ZNF521: variants seen among roughly 807,000 people sequenced by gnomAD.
ZNF521 encodes LYST-interacting protein 3.
ZNF521 carries 14 observed loss-of-function variants against 105.5 expected under a neutral mutation model. That is an observed-to-expected ratio of 0.13 (90% CI 0.09 to 0.21). The LOEUF is 0.21. Ranked by LOEUF, ZNF521 falls within the 10% of genes least tolerant of loss-of-function variation. The pLI is 1.00. For missense variants in ZNF521, 1,233 were observed against 1,629.7 expected, an observed-to-expected ratio of 0.76 and a Z score of 4.19; for synonymous variants, 635 against 606.0, an observed-to-expected ratio of 1.05 and a Z score of -0.70.
chr18:25,315,638 T>C (rs889253873), intron 3 of ZNF521: 2 of 152,224 alleles, frequency 1.3e-5, no homozygotes, highest in African/African-American at 4.8e-5. Flanking sequence ...TAGCTGACTT[T>C]CAAATCTGGG....
At chr18:25,094,481 T>C (rs2033811341) in intron 5 of ZNF521, among the ~76,000 whole-genome samples, 1 of 152,122 alleles carries the variant, frequency 6.6e-6, no homozygotes, top group Non-Finnish European at 1.5e-5. Context: ...ATTTTCTACA[T>C]ATTCTATCTT....
intron 7 of ZNF521, among the ~76,000 whole-genome samples, chr18:25,083,639 A>G (rs2033553314): frequency 6.6e-6 from 1 of 152,176 alleles, no homozygotes; most frequent in Non-Finnish European, 1.5e-5. Flanking sequence ...TTCTTTGCCT[A>G]TCTTCTCTTT....
chr18:25,230,299 G>A (rs1050301345), intron 3 of ZNF521, among the ~76,000 whole-genome samples: 4 of 152,156 alleles, frequency 2.6e-5, no homozygotes, highest in African/African-American at 7.2e-5. Flanking sequence ...GCTGATTTCT[G>A]TTTTAAAATA....
At chr18:25,277,271 C>A (rs980938062) in intron 3 of ZNF521, among the ~76,000 whole-genome samples, 1 of 151,906 alleles carries the variant, frequency 6.6e-6, no homozygotes, top group African/African-American at 2.4e-5. Flanking sequence ...AAAAGCTTAT[C>A]AAATATTATA....
At chr18:25,171,952 T>C (rs1337783876) in intron 5 of ZNF521, among the ~76,000 whole-genome samples, 1 of 152,030 alleles carries the variant, frequency 6.6e-6, no homozygotes, top group Non-Finnish European at 1.5e-5. Context: ...CAGTGTTATA[T>C]TGTTTATTTC....
chr18:25,121,048 A>C (rs2144348350), intron 5 of ZNF521, among the ~76,000 whole-genome samples: 1 of 152,250 alleles, frequency 6.6e-6, no homozygotes, highest in Non-Finnish European at 1.5e-5. Context: ...CCAAAACAAA[A>C]AAATAATACT....
chr18:25,121,921 A>G (rs147294975), intron 5 of ZNF521, among the ~76,000 whole-genome samples: 47 of 152,324 alleles, frequency 3.1e-4, no homozygotes, highest in African/African-American at 8.2e-4. Flanking sequence ...CTGGCATCCA[A>G]TGAAAAATCA....
intron 3 of ZNF521, among the ~76,000 whole-genome samples, chr18:25,296,937 C>T (rs1341693621): frequency 6.6e-6 from 1 of 152,052 alleles, no homozygotes. Context: ...AGCTGGTACT[C>T]AATAAATATG....
intron 2 of ZNF521, among the ~76,000 whole-genome samples, chr18:25,349,433 T>C (rs1389575422): frequency 6.6e-6 from 1 of 152,224 alleles, no homozygotes; most frequent in South Asian, 2.1e-4. Context: ...CACATGCCAA[T>C]GATTCACCTC....
At chr18:25,221,478 A>G (rs1905723023) in intron 4 of ZNF521, among the ~76,000 whole-genome samples, 1 of 152,240 alleles carries the variant, frequency 6.6e-6, no homozygotes, top group South Asian at 2.1e-4. Flanking sequence ...GTCATGGTCC[A>G]GAAAAATCTA....
chr18:25,158,621 G>C (rs1360338866), intron 5 of ZNF521, among the ~76,000 whole-genome samples: 1 of 152,020 alleles, frequency 6.6e-6, no homozygotes, highest in East Asian at 1.9e-4. Flanking sequence ...AAAGAACACA[G>C]GGAAGGAAGA....
At chr18:25,236,519 C>T (rs1906904237) in intron 3 of ZNF521, among the ~76,000 whole-genome samples, 1 of 145,530 alleles carries the variant, frequency 6.9e-6, no homozygotes, top group Non-Finnish European at 1.5e-5. Flanking sequence ...CTGGGTGACA[C>T]AGTGAGACTC....
At position 25,103,243 on chromosome 18, in the gene ZNF521, A is replaced by G. The variant is rs191685340; in HGVS notation, c.3659-11162T>C. Among the ~76,000 whole-genome samples the G allele has an allele frequency of 3.6e-3, 548 of 152,234 alleles. 3 individuals are homozygous for G. Among genetic ancestry groups the G allele is most frequent in the African/African-American group, 0.013 (527 of 41,550 alleles). ...CTGAAGGAAATCTTCCCGATTATAC[A>G]ACCTGTGATGGAGTGGCTGAACGCT... On this transcript the variant is annotated intron_variant, in intron 5 of 7. Transcript: ENST00000361524.
At chr18:25,180,831 C>T (rs1030035237) in intron 5 of ZNF521, among the ~76,000 whole-genome samples, 3 of 151,928 alleles carry the variant, frequency 2.0e-5, no homozygotes, top group African/African-American at 7.3e-5. Flanking sequence ...AAGGTTCTGC[C>T]TCATTCAAAA....
At chr18:25,245,665 G>T (rs574814604) in intron 3 of ZNF521, among the ~76,000 whole-genome samples, 3 of 152,216 alleles carry the variant, frequency 2.0e-5, no homozygotes, top group East Asian at 3.9e-4. Context: ...CCCACTCTTG[G>T]TTTTTTGTAA....
intron 5 of ZNF521, among the ~76,000 whole-genome samples, chr18:25,106,867 G>T (rs1600033998): frequency 3.9e-5 from 6 of 152,142 alleles, no homozygotes; most frequent in Admixed American, 3.9e-4. Context: ...TGCTTCCACA[G>T]TGGGAGGGAA....
At chr18:25,099,585 G>T (rs985233019) in intron 5 of ZNF521, among the ~76,000 whole-genome samples, 5 of 152,010 alleles carry the variant, frequency 3.3e-5, no homozygotes, top group Admixed American at 6.6e-5. Flanking sequence ...CCTTTTATTT[G>T]TCCCAAGTCA....
chr18:25,156,483 G>A (rs191381847), intron 5 of ZNF521, among the ~76,000 whole-genome samples: 6 of 152,282 alleles, frequency 3.9e-5, no homozygotes, highest in African/African-American at 1.4e-4. Context: ...ATTCACACAT[G>A]TGCATATATA....
chr18:25,319,740 C>G (rs1180671562), intron 3 of ZNF521, among the ~76,000 whole-genome samples: 1 of 152,098 alleles, frequency 6.6e-6, no homozygotes, highest in African/African-American at 2.4e-5. Flanking sequence ...TTGGCAGATA[C>G]CACCTTAAAC....
Sources: gnomAD v4.1 joint callset for allele counts (sites outside exome capture counted in the v4.1 genomes callset) on GRCh38, gnomAD v4.1.1 for gene constraint, MANE v1.5 for transcripts, NCBI Gene and HGNC (gene_info 2026-07-23, HGNC 2026-07-21) for gene names.